The following FNDC3B variants were observed in gnomAD, a reference collection of about 807,000 sequenced individuals.
The protein encoded by FNDC3B is fibronectin type III domain-containing protein 3B.
In FNDC3B, 12 loss-of-function variants were observed where a neutral mutation model predicts 151.5. The ratio of observed to expected loss-of-function variants is 0.08; its 90% CI spans 0.05 to 0.13. FNDC3B has a LOEUF of 0.13. Ranked by LOEUF, FNDC3B falls within the 10% of genes least tolerant of loss-of-function variation. The pLI is 1.00. For synonymous variants in FNDC3B, 528 were observed against 549.0 expected (o/e 0.96, Z 0.54); for missense variants, 1,214 against 1,505.3 (o/e 0.81, Z 3.20).
intron 25 of FNDC3B, among the ~76,000 whole-genome samples, chr3:172,386,666 T>C (rs62281163): frequency 0.58 from 86,466 of 149,012 alleles, 28,294 homozygotes; most frequent in Non-Finnish European, 0.76. Context: ...GGCATGAACC[T>C]GGAAGCAGAG....
intron 10 of FNDC3B, among the ~76,000 whole-genome samples, chr3:172,308,460 T>C (rs1281399243): frequency 6.6e-6 from 1 of 152,212 alleles, no homozygotes; most frequent in Non-Finnish European, 1.5e-5. Context: ...AATAGTAATG[T>C]GTGAAAGAAA....
intron 1 of FNDC3B, among the ~76,000 whole-genome samples, chr3:172,070,774 G>A (rs185926097): frequency 3.9e-5 from 6 of 152,198 alleles, no homozygotes; most frequent in South Asian, 2.1e-4. Flanking sequence ...CAATCAGCTC[G>A]TGCCAGTCTT....
At chr3:172,353,137 A>C (rs1418402511) in intron 22 of FNDC3B, 54 bp downstream of exon 22, 1 of 1,542,112 alleles carries the variant, frequency 6.5e-7, no homozygotes, top group African/African-American at 1.4e-5. Flanking sequence ...TGGGGATCTA[A>C]GTAAACCTCT....
chr3:172,173,305 G>C (rs114621484), intron 3 of FNDC3B, among the ~76,000 whole-genome samples: 2 of 151,984 alleles, frequency 1.3e-5, no homozygotes, highest in East Asian at 3.9e-4. Flanking sequence ...TTCTTTTATC[G>C]TGGGGGTCCT....
chr3:172,172,757 C>T (rs1723347980), intron 3 of FNDC3B, among the ~76,000 whole-genome samples: 1 of 152,170 alleles, frequency 6.6e-6, no homozygotes, highest in Admixed American at 6.5e-5. Context: ...TTATATCGCT[C>T]AGGTCATCTA....
intron 3 of FNDC3B, among the ~76,000 whole-genome samples, chr3:172,171,375 C>T (rs527917632): frequency 6.6e-6 from 1 of 152,260 alleles, no homozygotes; most frequent in East Asian, 1.9e-4. Context: ...ACTTCATTTT[C>T]ATTTTTTCCT....
chr3:172,356,534 T>C (rs1247589931), intron 22 of FNDC3B, among the ~76,000 whole-genome samples: 1 of 152,134 alleles, frequency 6.6e-6, no homozygotes, highest in Non-Finnish European at 1.5e-5. Flanking sequence ...TTCAAGGTTT[T>C]TTTGCCTCCA....
At chr3:172,162,934 G>A (rs1233460637) in intron 3 of FNDC3B, among the ~76,000 whole-genome samples, 2 of 152,044 alleles carry the variant, frequency 1.3e-5, no homozygotes, top group Non-Finnish European at 2.9e-5. Flanking sequence ...TTTAAATCTT[G>A]AGATGTGTCA....
At chr3:172,373,215 T>G (rs1286463689) in intron 23 of FNDC3B, among the ~76,000 whole-genome samples, 1 of 152,200 alleles carries the variant, frequency 6.6e-6, no homozygotes, top group Non-Finnish European at 1.5e-5. Flanking sequence ...CTGCTTTAGG[T>G]CCTCCCATTT....
chr3:172,381,837 A>G (rs767482164), intron 25 of FNDC3B, among the ~76,000 whole-genome samples: 10 of 152,172 alleles, frequency 6.6e-5, no homozygotes, highest in Non-Finnish European at 1.0e-4. Context: ...TCCATGGTGT[A>G]TATGTGCCAC....
chr3:172,199,186 A>T (rs1268622778), intron 3 of FNDC3B, among the ~76,000 whole-genome samples: 1,330 of 128,254 alleles, frequency 0.01, 23 homozygotes, highest in African/African-American at 0.034. Flanking sequence ...TTTATTTTTT[A>T]TTTTTTTTTT....
chr3:172,310,276 C>G (rs1009433644), intron 10 of FNDC3B, among the ~76,000 whole-genome samples: 1 of 152,170 alleles, frequency 6.6e-6, no homozygotes, highest in Admixed American at 6.5e-5. Context: ...CCTCTGCTAA[C>G]GTATGAAGGA....
At chr3:172,395,288 T>C (rs1199121325) in intron 25 of FNDC3B, among the ~76,000 whole-genome samples, 1 of 152,230 alleles carries the variant, frequency 6.6e-6, no homozygotes, top group Non-Finnish European at 1.5e-5. Context: ...TTTATGCAAT[T>C]TTAATCTGAT....
intron 3 of FNDC3B, among the ~76,000 whole-genome samples, chr3:172,187,956 C>A (rs1159495523): frequency 6.6e-6 from 1 of 151,242 alleles, no homozygotes; most frequent in African/African-American, 2.4e-5. Flanking sequence ...TAGGAATATA[C>A]ATTGAGTTAT....
chr3:172,154,586 G>A (rs1722392748), intron 3 of FNDC3B, among the ~76,000 whole-genome samples: 1 of 152,170 alleles, frequency 6.6e-6, no homozygotes, highest in Admixed American at 6.5e-5. Context: ...AAACGTGCAG[G>A]TGGAGCTGAC....
At chr3:172,378,484 C>T (rs914057961) in intron 24 of FNDC3B, 48 bp downstream of exon 24, 1 of 1,468,150 alleles carries the variant, frequency 6.8e-7, no homozygotes, top group African/African-American at 1.4e-5. Flanking sequence ...GAGTAAGGAA[C>T]TGTTGGGACT....
chr3:172,283,529 C>A (rs1286740132), intron 6 of FNDC3B, among the ~76,000 whole-genome samples: 1 of 152,182 alleles, frequency 6.6e-6, no homozygotes, highest in Non-Finnish European at 1.5e-5. Flanking sequence ...TAGGGTCTGA[C>A]TTGTTGCCTT....
At chr3:172,167,404 T>C (rs1723060372) in intron 3 of FNDC3B, among the ~76,000 whole-genome samples, 1 of 152,086 alleles carries the variant, frequency 6.6e-6, no homozygotes, top group Non-Finnish European at 1.5e-5. Context: ...AAAAAGAATA[T>C]AGACTCCAAG....
intron 3 of FNDC3B, among the ~76,000 whole-genome samples, chr3:172,163,505 C>T (rs1722877046): frequency 6.6e-6 from 1 of 152,178 alleles, no homozygotes; most frequent in Admixed American, 6.5e-5. Context: ...AACACACACA[C>T]ATGCACGCAC....
Sources: allele counts gnomAD v4.1 joint callset (sites outside exome capture counted in the v4.1 genomes callset), GRCh38; gene constraint gnomAD v4.1.1; transcripts MANE v1.5; gene names NCBI Gene and HGNC (gene_info 2026-07-23, HGNC 2026-07-21).